The following DCDC1 variants were observed in gnomAD, a reference collection of about 807,000 sequenced individuals.
DCDC1 encodes the protein doublecortin domain-containing protein 1.
In DCDC1, 200 loss-of-function variants were observed where a neutral mutation model predicts 178.3. The observed-to-expected ratio is 1.12, with a 90% CI of 1.00 to 1.26. The LOEUF (loss-of-function observed/expected upper bound fraction) is 1.26, where lower values mean the gene tolerates loss of function less well. Among genes scored for constraint, DCDC1 ranks in the 50% most tolerant of loss-of-function variants. DCDC1 has a pLI of 0.00. For synonymous variants in DCDC1, 690 were observed against 604.8 expected (o/e 1.14, Z -2.07); for missense variants, 1,983 against 1,749.2 (o/e 1.13, Z -2.38).
At chr11:31,078,954 A>G (rs182624847) in intron 17 of DCDC1, among the ~76,000 whole-genome samples, 10 of 152,280 alleles carry the variant, frequency 6.6e-5, no homozygotes, top group Non-Finnish European at 1.2e-4. Context: ...TGAGGAAATG[A>G]AAAATCAAAT....
intron 11 of DCDC1, among the ~76,000 whole-genome samples, chr11:31,122,371 G>A (rs754892484): frequency 5.9e-5 from 9 of 152,078 alleles, no homozygotes; most frequent in Non-Finnish European, 1.2e-4. Context: ...TGCTATGATT[G>A]TCAGTCCTGC....
In DCDC1 at chr11:30,996,872, T is replaced by C. The variant is rs75339773; in HGVS notation, c.2592-44304A>G. Among the ~76,000 whole-genome samples the C allele has an allele frequency of 4.7e-3, 717 of 152,328 alleles. 8 individuals are homozygous for C. Among genetic ancestry groups the C allele is most frequent in the African/African-American group, 0.016 (648 of 41,578 alleles). ...TTCTCACATGAACAGAAAATTTTGT[T>C]CGCATAAAAACGTACATGAACATGT... is the stretch of plus-strand genomic sequence containing the variant. On this transcript the variant is annotated intron_variant, in intron 20 of 38. Transcript: ENST00000684477.
intron 20 of DCDC1, among the ~76,000 whole-genome samples, chr11:31,016,941 C>T (rs1374038230): frequency 6.6e-6 from 1 of 152,160 alleles, no homozygotes. Context: ...TGGAAATGAA[C>T]CCGAAATGCT....
chr11:30,948,142 C>T (rs1948171950), intron 21 of DCDC1, among the ~76,000 whole-genome samples: 1 of 152,074 alleles, frequency 6.6e-6, no homozygotes, highest in East Asian at 1.9e-4. Flanking sequence ...AGCTGATAAG[C>T]AACTTCTGCA....
chr11:30,866,635 C>T (rs1278943081), intron 38 of DCDC1, among the ~76,000 whole-genome samples: 7 of 152,130 alleles, frequency 4.6e-5, no homozygotes, highest in Non-Finnish European at 1.5e-5. Flanking sequence ...CAGATTCTTC[C>T]TCATAGCCCT....
intron 9 of DCDC1, among the ~76,000 whole-genome samples, chr11:31,214,749 C>T (rs1973327081): frequency 6.6e-6 from 1 of 152,066 alleles, no homozygotes; most frequent in Admixed American, 6.6e-5. Context: ...GTGTTTTTAT[C>T]ATTTTAATTC....
chr11:31,207,262 C>T (rs1002887280), intron 9 of DCDC1, among the ~76,000 whole-genome samples: 4 of 151,984 alleles, frequency 2.6e-5, no homozygotes, highest in Non-Finnish European at 5.9e-5. Flanking sequence ...TTTGTTATTA[C>T]TAAAACTAAA....
At chr11:31,058,175 A>T (rs1955709307) in intron 20 of DCDC1, among the ~76,000 whole-genome samples, 1 of 152,208 alleles carries the variant, frequency 6.6e-6, no homozygotes, top group South Asian at 2.1e-4. Flanking sequence ...TTGGATTGAC[A>T]CACGAGTAGA....
At position 30,915,405 on chromosome 11, in the gene DCDC1, C is replaced by G. The variant is rs936085796; in HGVS notation, c.3653+106G>C. 4.1e-6 allele frequency: 5 copies of G among 1,212,040 alleles called. No individual in the cohort carries two copies. The African/African-American group carries it at 7.6e-5, about 18-fold the overall frequency. 75.1% of individuals were successfully genotyped at this position (1,212,040 alleles called of 1,614,324 possible). A position where few individuals can be genotyped will look rare whatever the true frequency, so the allele number is the denominator to read the frequency against. On this transcript the variant is annotated intron_variant, in intron 27 of 38. Transcript: ENST00000684477. Reference sequence around the variant, plus strand: ...ATTATCAGCTAAGTTAAATAGAAGACCCAGAATTCTCAGATATAGTTCATC... The same window carrying G: ...ATTATCAGCTAAGTTAAATAGAAGAGCCAGAATTCTCAGATATAGTTCATC...
At chr11:30,923,954 C>G (rs1027619723) in intron 23 of DCDC1, among the ~76,000 whole-genome samples, 1 of 152,084 alleles carries the variant, frequency 6.6e-6, no homozygotes, top group Non-Finnish European at 1.5e-5. Context: ...TTCTTTTTCT[C>G]TTTTGGACAT....
intron 2 of DCDC1, among the ~76,000 whole-genome samples, chr11:31,331,141 C>T (rs541120403): frequency 6.6e-6 from 1 of 152,252 alleles, no homozygotes; most frequent in African/African-American, 2.4e-5. Flanking sequence ...ATTTTATTCT[C>T]TTTGTAGCAA....
intron 20 of DCDC1, among the ~76,000 whole-genome samples, chr11:31,024,130 T>C (rs1329289443): frequency 6.6e-6 from 1 of 152,058 alleles, no homozygotes; most frequent in Non-Finnish European, 1.5e-5. Flanking sequence ...CCTAAATATC[T>C]ATCTATAGGA....
chr11:31,096,229 C>G (rs774185915), intron 15 of DCDC1, among the ~76,000 whole-genome samples: 40 of 152,180 alleles, frequency 2.6e-4, no homozygotes, highest in Admixed American at 1.5e-3. Flanking sequence ...GCAGATTTGA[C>G]TTATAGTGCT....
chr11:31,292,895 T>C (rs573864513), intron 6 of DCDC1, among the ~76,000 whole-genome samples: 98 of 152,240 alleles, frequency 6.4e-4, no homozygotes, highest in African/African-American at 2.3e-3. Context: ...AATGAATTAT[T>C]GTAGTGTAAT....
intron 9 of DCDC1, among the ~76,000 whole-genome samples, chr11:31,169,727 G>A (rs1398646207): frequency 2.0e-5 from 3 of 152,182 alleles, no homozygotes; most frequent in Non-Finnish European, 4.4e-5. Flanking sequence ...GGTATAGTTA[G>A]GGAGATAAAG....
Position 31,223,238 on chromosome 11 carries a change from C to T in DCDC1, c.1221+18212G>A, listed in dbSNP as rs1392688050. On this transcript the variant is annotated intron_variant, in intron 9 of 38. Transcript: ENST00000684477. ...ACAATAGGAGAATGGTTATTATGTA[C>T]AATAGCACATATCCATAGTTGATCT... Among the ~76,000 whole-genome samples the T allele has an allele frequency of 2.0e-5, 3 of 152,054 alleles. No homozygotes were observed. The East Asian group carries it at 5.8e-4, about 29-fold the overall frequency.
At chr11:31,170,910 A>G (rs1042753665) in intron 9 of DCDC1, among the ~76,000 whole-genome samples, 2 of 151,960 alleles carry the variant, frequency 1.3e-5, no homozygotes, top group African/African-American at 4.8e-5. Context: ...GCTCACCGCA[A>G]CCTTGCCTCC....
intron 20 of DCDC1, among the ~76,000 whole-genome samples, chr11:31,062,901 T>TG (rs1187168216): frequency 1.3e-5 from 2 of 150,476 alleles, no homozygotes; most frequent in African/African-American, 4.9e-5. Flanking sequence ...ACCCATTAAC[T>TG]CGTCATTTAG....
intron 12 of DCDC1, among the ~76,000 whole-genome samples, chr11:31,109,175 G>A (rs1017923880): frequency 2.7e-5 from 4 of 149,686 alleles, no homozygotes; most frequent in Admixed American, 1.3e-4. Context: ...CTGGAGTGCA[G>A]TGGTGTGATC....
Sources: gnomAD v4.1 joint callset for allele counts (sites outside exome capture counted in the v4.1 genomes callset) on GRCh38, gnomAD v4.1.1 for gene constraint, MANE v1.5 for transcripts, NCBI Gene and HGNC (gene_info 2026-07-23, HGNC 2026-07-21) for gene names.